PRKG1: variants seen among roughly 807,000 people sequenced by gnomAD.
The protein encoded by PRKG1 is protein kinase cGMP-dependent 1, also known as cGMP-dependent protein kinase 1.
In PRKG1, 35 loss-of-function variants were observed where a neutral mutation model predicts 88.1. The ratio of observed to expected loss-of-function variants is 0.40; its 90% CI spans 0.30 to 0.53. The LOEUF (loss-of-function observed/expected upper bound fraction) is 0.53, where lower values mean the gene tolerates loss of function less well. Among genes scored for constraint, PRKG1 ranks in the 20% least tolerant of loss-of-function variants. The pLI is 0.59. For synonymous variants in PRKG1, 303 were observed against 292.5 expected, an observed-to-expected ratio of 1.04 and a Z score of -0.37; for missense variants, 540 against 839.8, an observed-to-expected ratio of 0.64 and a Z score of 4.41.
At chr10:51,901,886 T>C (rs1258554852) in intron 4 of PRKG1, among the ~76,000 whole-genome samples, 5 of 152,142 alleles carry the variant, frequency 3.3e-5, no homozygotes, top group African/African-American at 9.7e-5. Flanking sequence ...CTATCTTACA[T>C]GAGTCAGGAA....
At chr10:51,712,135 A>G (rs1363945697) in intron 3 of PRKG1, among the ~76,000 whole-genome samples, 1 of 152,236 alleles carries the variant, frequency 6.6e-6, no homozygotes, top group Admixed American at 6.5e-5. Flanking sequence ...TTGGATAGTC[A>G]TGGAGAAATA....
chr10:51,878,192 A>T (rs548934207), intron 4 of PRKG1, among the ~76,000 whole-genome samples: 2 of 152,142 alleles, frequency 1.3e-5, no homozygotes, highest in East Asian at 3.9e-4. Flanking sequence ...ACATGTATAT[A>T]TAAATATAAA....
chr10:52,285,610 A>C (rs1197072946), intron 14 of PRKG1, among the ~76,000 whole-genome samples: 1 of 152,126 alleles, frequency 6.6e-6, no homozygotes, highest in Non-Finnish European at 1.5e-5. Flanking sequence ...GAAAGATGCA[A>C]AAGTAAAAGA....
chr10:51,194,747 C>T (rs946807769), intron 2 of PRKG1, among the ~76,000 whole-genome samples: 4 of 152,044 alleles, frequency 2.6e-5, no homozygotes, highest in African/African-American at 9.7e-5. Context: ...ACTCACGGTT[C>T]TAGAGGCTGA....
At chr10:51,611,835 A>C (rs1179568884) in intron 3 of PRKG1, among the ~76,000 whole-genome samples, 1 of 152,112 alleles carries the variant, frequency 6.6e-6, no homozygotes, top group Non-Finnish European at 1.5e-5. Context: ...ATAGAAATGC[A>C]GTTTCATTCT....
rs548222213 is a variant in PRKG1, at chr10:51,771,182, C to T, written c.593-33403C>T. 2.4e-3 allele frequency among the ~76,000 whole-genome samples: 362 copies of T among 152,142 alleles called. 2 individuals are homozygous for T. Among genetic ancestry groups the T allele is most frequent in the African/African-American group, 8.4e-3 (349 of 41,492 alleles). The stretch of plus-strand genomic sequence containing the variant: ...AAAACCACAATTACTGTTGCAACAA[C>T]CTAATCAATGTATCTAAAGCTAGAA... On this transcript the variant is annotated intron_variant, in intron 3 of 17. Coordinates refer to ENST00000373980, the MANE Select transcript of PRKG1 (RefSeq NM_006258.4).
chr10:51,329,839 A>C (rs1466625330), intron 2 of PRKG1, among the ~76,000 whole-genome samples: 1 of 150,486 alleles, frequency 6.6e-6, no homozygotes, highest in Non-Finnish European at 1.5e-5. Flanking sequence ...ATAATTTTTT[A>C]TAAGTTATTT....
At chr10:52,280,768 C>A in intron 12 of PRKG1, 21 bp from the exon 13 acceptor site, 1 of 1,601,572 alleles carries the variant, frequency 6.2e-7, no homozygotes, top group Non-Finnish European at 8.5e-7. Flanking sequence ...ATACAATTTT[C>A]ATTCCATTTC....
At chr10:51,631,109 G>T (rs1401991490) in intron 3 of PRKG1, among the ~76,000 whole-genome samples, 1 of 152,184 alleles carries the variant, frequency 6.6e-6, no homozygotes, top group Non-Finnish European at 1.5e-5. Context: ...CACCTGTTGT[G>T]CTGAACCCAT....
Position 51,093,781 on chromosome 10 carries a change from ATG to A in PRKG1, c.311+18882_311+18883del, listed in dbSNP as rs1158510135. On this transcript the variant is annotated intron_variant, in intron 1 of 17. Coordinates refer to ENST00000373980, the MANE Select transcript of PRKG1 (RefSeq NM_006258.4). ...TATACATATATACATATACATATAT[ATG>A]TATTTTATATATATATATACACACA... Among the ~76,000 whole-genome samples the A allele has an allele frequency of 2.4e-4, 32 of 134,950 alleles. 1 individual carries two copies. The highest frequency in any genetic ancestry group is 1.6e-3 in the South Asian group (7 of 4,382). 88.5% of individuals were successfully genotyped at this position (134,950 alleles called of 152,430 possible).
chr10:52,161,210 T>A (rs1163009468), intron 8 of PRKG1, among the ~76,000 whole-genome samples: 1 of 152,088 alleles, frequency 6.6e-6, no homozygotes, highest in Non-Finnish European at 1.5e-5. Flanking sequence ...TGCTTCACTA[T>A]AGAAGTCTGA....
intron 2 of PRKG1, among the ~76,000 whole-genome samples, chr10:51,296,402 C>T (rs1840721400): frequency 6.6e-6 from 1 of 152,058 alleles, no homozygotes; most frequent in Admixed American, 6.6e-5. Flanking sequence ...CTTGATTCAG[C>T]TTCAATAAGT....
intron 7 of PRKG1, among the ~76,000 whole-genome samples, chr10:52,110,914 A>G (rs1000437692): frequency 1.3e-5 from 2 of 152,190 alleles, no homozygotes; most frequent in Non-Finnish European, 2.9e-5. Context: ...GTGCCCAAGC[A>G]GAAATGTATC....
At chr10:51,960,286 T>A (rs966583630) in intron 5 of PRKG1, among the ~76,000 whole-genome samples, 2 of 152,108 alleles carry the variant, frequency 1.3e-5, no homozygotes, top group African/African-American at 2.4e-5. Flanking sequence ...TTTCTACCCT[T>A]GAGCTAATTC....
intron 3 of PRKG1, among the ~76,000 whole-genome samples, chr10:51,574,886 A>G (rs1837845725): frequency 6.6e-6 from 1 of 151,972 alleles, no homozygotes; most frequent in South Asian, 2.1e-4. Flanking sequence ...ATATTTGGGT[A>G]ACAAAAGCCT....
At chr10:52,036,939 G>A (rs960580572) in intron 5 of PRKG1, among the ~76,000 whole-genome samples, 2 of 152,268 alleles carry the variant, frequency 1.3e-5, no homozygotes, top group Admixed American at 6.5e-5. Flanking sequence ...ATTAAGAAGG[G>A]GACGGGCTTA....
intron 2 of PRKG1, among the ~76,000 whole-genome samples, chr10:51,215,201 C>T (rs945659024): frequency 1.3e-5 from 2 of 152,044 alleles, no homozygotes; most frequent in African/African-American, 2.4e-5. Flanking sequence ...AAAAGATGCT[C>T]GACAGCACAT....
intron 1 of PRKG1, among the ~76,000 whole-genome samples, chr10:51,090,457 G>A (rs548235286): frequency 7.9e-5 from 12 of 152,048 alleles, no homozygotes; most frequent in Non-Finnish European, 1.8e-4. Context: ...GTTGAACATA[G>A]GCAAGTGTGA....
intron 1 of PRKG1, among the ~76,000 whole-genome samples, chr10:51,120,762 T>A (rs1845241334): frequency 6.6e-6 from 1 of 152,180 alleles, no homozygotes; most frequent in African/African-American, 2.4e-5. Flanking sequence ...TTTGCCAATT[T>A]AATTTAATAA....
Sources: gnomAD v4.1 joint callset for allele counts (sites outside exome capture counted in the v4.1 genomes callset) on GRCh38, gnomAD v4.1.1 for gene constraint, MANE v1.5 for transcripts, NCBI Gene and HGNC (gene_info 2026-07-23, HGNC 2026-07-21) for gene names.